The following CELF2 variants were observed in gnomAD, a reference collection of about 807,000 sequenced individuals.
The protein encoded by CELF2 is CUGBP Elav-like family member 2, also known as CUG triplet repeat RNA-binding protein 2.
Under a neutral mutation model 62.6 loss-of-function variants are expected in CELF2, and 8 were observed. The observed-to-expected ratio is 0.13, with a 90% CI of 0.07 to 0.23. The LOEUF (loss-of-function observed/expected upper bound fraction) is 0.23, where lower values mean the gene tolerates loss of function less well. Among genes scored for constraint, CELF2 ranks in the 10% least tolerant of loss-of-function variants. CELF2 has a pLI of 1.00. For missense variants in CELF2, 333 were observed against 671.0 expected, an observed-to-expected ratio of 0.50 and a Z score of 5.56; for synonymous variants, 258 against 250.0, an observed-to-expected ratio of 1.03 and a Z score of -0.30.
chr10:10,736,396 C>CTTTCTTTCTTTCTTTCTTTTTTT, the CELF2 span, among the ~76,000 whole-genome samples: 4 of 75,988 alleles, frequency 5.3e-5, no homozygotes, highest in African/African-American at 1.5e-4. Context: ...TTCTTTCTTT[C>CTTTCTTTCTTTCTTTCTTTTTTT]TTTTTTTTTT....
At chr10:10,874,650 A>G (rs1207398396) in intron 1 of CELF2, among the ~76,000 whole-genome samples, 1 of 152,216 alleles carries the variant, frequency 6.6e-6, no homozygotes, top group Non-Finnish European at 1.5e-5. Context: ...ACATTTCATA[A>G]TATATGTTGA....
At chr10:10,507,927 T>G in the CELF2 span, among the ~76,000 whole-genome samples, 1 of 152,330 alleles carries the variant, frequency 6.6e-6, no homozygotes, top group Admixed American at 6.5e-5. Context: ...AGCATCTAAT[T>G]AGTTTACAAC....
intron 1 of CELF2, chr10:11,097,144 TAGTGATG>T (rs2050120609): frequency 6.6e-6 from 1 of 152,218 alleles, no homozygotes; most frequent in Admixed American, 6.5e-5. Context: ...TAATGCAATT[TAGTGATG>T]TATAGTATTT....
chr10:10,562,170 C>G, the CELF2 span, among the ~76,000 whole-genome samples: 1 of 152,138 alleles, frequency 6.6e-6, no homozygotes, highest in Non-Finnish European at 1.5e-5. Context: ...GCTGTAGTCA[C>G]TCTAAAATAG....
the CELF2 span, among the ~76,000 whole-genome samples, chr10:10,576,668 A>G: frequency 6.6e-6 from 1 of 152,084 alleles, no homozygotes; most frequent in Admixed American, 6.6e-5. Flanking sequence ...TCTCTACCAA[A>G]CTATAAAACC....
intron 1 of CELF2, among the ~76,000 whole-genome samples, chr10:10,823,682 G>A (rs766053499): frequency 3.9e-5 from 6 of 152,000 alleles, no homozygotes; most frequent in African/African-American, 9.7e-5. Flanking sequence ...AGAGATAATC[G>A]TATTAATAAA....
intron 8 of CELF2, among the ~76,000 whole-genome samples, chr10:11,279,346 T>C (rs1015128735): frequency 5.9e-5 from 9 of 152,186 alleles, no homozygotes; most frequent in African/African-American, 2.2e-4. Flanking sequence ...ATTTATCAAC[T>C]TGAGATCTGT....
chr10:10,830,866 A>G lies in CELF2; in HGVS notation c.53+32049A>G, dbSNP rs1449260053. Among the ~76,000 whole-genome samples, 4 of 152,346 alleles carry G rather than the reference A, an allele frequency of 2.6e-5. No homozygotes were observed. The East Asian group carries it at 7.7e-4, about 29-fold the overall frequency. ...TATTACAAAACTGTGTTTTTATCACAGTGGTACACATCTGTCAATGAATCC... is the reference window on the plus strand; with the variant it reads ...TATTACAAAACTGTGTTTTTATCACGGTGGTACACATCTGTCAATGAATCC... On this transcript the variant is annotated intron_variant, in intron 1 of 13. Coordinates refer to the CELF2 transcript ENST00000636488.
At chr10:10,605,149 T>C in the CELF2 span, among the ~76,000 whole-genome samples, 1 of 152,122 alleles carries the variant, frequency 6.6e-6, no homozygotes, top group Admixed American at 6.5e-5. Flanking sequence ...GAAGGCGTTA[T>C]CCTCAGCAAA....
chr10:10,649,520 AG>A, the CELF2 span, among the ~76,000 whole-genome samples: 40 of 151,956 alleles, frequency 2.6e-4, no homozygotes, highest in African/African-American at 9.5e-4. Context: ...GATATATCTT[AG>A]GGATACATCT....
At chr10:11,308,188 A>C (rs1431942416) in intron 9 of CELF2, among the ~76,000 whole-genome samples, 22 of 152,176 alleles carry the variant, frequency 1.4e-4, no homozygotes, top group Non-Finnish European at 1.0e-4. Flanking sequence ...GCTCCATTCA[A>C]GATTTTCTCT....
In CELF2 at chr10:11,217,609, G is replaced by A. The variant is rs920165240; in HGVS notation, c.354+102G>A. 3.4e-5 allele frequency: 28 copies of A among 813,798 alleles called. No homozygotes were observed. Among genetic ancestry groups the A allele is most frequent in the Non-Finnish European group, 5.4e-5 (27 of 504,640 alleles). 50.4% of individuals were successfully genotyped at this position (813,798 alleles called of 1,614,324 possible). On this transcript the variant is annotated intron_variant, in intron 3 of 12. Coordinates refer to ENST00000633077, the MANE Select transcript of CELF2 (RefSeq NM_001326342.2). The surrounding 1 kb of genome is among the most constrained non-coding windows in gnomAD (Gnocchi z 5.6). The stretch of plus-strand genomic sequence containing the variant: ...GGCTCTTAGTGCCAAAAATGACTTT[G>A]GTCTTTTGAGGAGTGTGTGCTGACC...
chr10:10,741,017 G>T, the CELF2 span, among the ~76,000 whole-genome samples: 1 of 152,030 alleles, frequency 6.6e-6, no homozygotes, highest in Non-Finnish European at 1.5e-5. Flanking sequence ...CACAGCAGGA[G>T]GGCTATAGTT....
At chr10:10,986,153 C>T (rs1177485217) in intron 2 of CELF2, among the ~76,000 whole-genome samples, 2 of 151,832 alleles carry the variant, frequency 1.3e-5, no homozygotes, top group African/African-American at 4.8e-5. Context: ...CTAACAATAG[C>T]ACTTATCTAT....
At chr10:10,646,160 C>A in the CELF2 span, among the ~76,000 whole-genome samples, 1 of 152,138 alleles carries the variant, frequency 6.6e-6, no homozygotes, top group Non-Finnish European at 1.5e-5. Context: ...CATCTGAGAT[C>A]ATCTAAGTGC....
intron 2 of CELF2, among the ~76,000 whole-genome samples, chr10:11,213,816 G>A (rs1209980692): frequency 1.3e-5 from 2 of 152,214 alleles, no homozygotes; most frequent in African/African-American, 4.8e-5. Context: ...ACCAATCACT[G>A]TACTTGTTAA....
chr10:10,977,752 T>C (rs1185639845), intron 2 of CELF2, among the ~76,000 whole-genome samples: 8 of 152,244 alleles, frequency 5.3e-5, no homozygotes, highest in Non-Finnish European at 1.0e-4. Flanking sequence ...GGCAGTTCAC[T>C]GTCATGTGCC....
rs2053329085 is a variant in CELF2 at position 10,990,694 on chromosome 10, T to G, written c.89+70695T>G. 6.6e-6 allele frequency among the ~76,000 whole-genome samples: 1 copy of G among 152,198 alleles called. No homozygotes were observed. Among genetic ancestry groups the G allele is most frequent in the Non-Finnish European group, 1.5e-5 (1 of 68,036 alleles). ...TAAAGGCTAAAAAAGATAATGATCT[T>G]CCAGAGATTTGTAGATAAATAATTG... On this transcript the variant is annotated intron_variant, in intron 2 of 13. Transcript: ENST00000636488. This position sits in a 1 kb window ranked among gnomAD's most constrained non-coding sequence, Gnocchi z 4.6.
chr10:11,059,383 G>T (rs1259720663), intron 1 of CELF2, among the ~76,000 whole-genome samples: 1 of 151,044 alleles, frequency 6.6e-6, no homozygotes, highest in Non-Finnish European at 1.5e-5. Flanking sequence ...GAGGGTTTGA[G>T]CCATTTTACT....
Sources: allele counts gnomAD v4.1 joint callset (sites outside exome capture counted in the v4.1 genomes callset), GRCh38; gene constraint gnomAD v4.1.1; non-coding constraint Gnocchi (gnomAD v3.1); transcripts MANE v1.5; gene names NCBI Gene and HGNC (gene_info 2026-07-23, HGNC 2026-07-21).